Variants in SLC25A29 observed in about 807,000 individuals in gnomAD.
SLC25A29 encodes mitochondrial basic amino acids transporter.
A neutral mutation model predicts 10.0 loss-of-function variants in SLC25A29; 13 were observed. The ratio of observed to expected loss-of-function variants is 1.30; its 90% CI spans 0.85 to 2.07. SLC25A29 has a LOEUF of 2.07. Among genes scored for constraint, SLC25A29 ranks in the 30% most tolerant of loss-of-function variants. The pLI is 0.00. For missense variants in SLC25A29, 475 were observed against 447.6 expected, an observed-to-expected ratio of 1.06 and a Z score of -0.55; for synonymous variants, 244 against 221.1, an observed-to-expected ratio of 1.10 and a Z score of -0.92.
rs1201704174 is a variant in SLC25A29 at position 100,292,781 on chromosome 14, G to A, written c.414C>T (p.Leu138=). ...GACCCTCGTGCCCGTAGATCTGCGCGAGGCAGTCCAGCGAGCCCTTGTAGG... is the reference window on the plus strand; with the variant it reads ...GACCCTCGTGCCCGTAGATCTGCGCAAGGCAGTCCAGCGAGCCCTTGTAGG... ...ARTYKGSLDC[L]AQIYGHEGLR... is the part of the protein sequence containing the mutation. The change falls in exon 4 of 4, where the codon CTC becomes CTT. Residue 138 remains leucine, a synonymous_variant. Coordinates refer to ENST00000359232, the MANE Select transcript of SLC25A29 (RefSeq NM_001039355.3). 8.1e-6 allele frequency: 13 copies of A among 1,598,420 alleles called. No individual in the cohort carries two copies. In the Admixed American group the frequency reaches 1.5e-4, roughly 19 times the overall value.
At chr14:100,305,731 C>T (rs1287306127) in intron 1 of SLC25A29, 1 of 155,178 alleles carries the variant, frequency 6.4e-6, no homozygotes, top group African/African-American at 2.4e-5. Flanking sequence ...CCTCCAAGGC[C>T]AGCCGAGTAG....
At chr14:100,280,218 G>C in the SLC25A29 span, 1 of 152,178 alleles carries the variant, frequency 6.6e-6, no homozygotes, top group Non-Finnish European at 1.5e-5. Flanking sequence ...TTATAATTTT[G>C]CTAACGATGT....
In SLC25A29 at chr14:100,298,930, A is replaced by G. The variant is rs760817186; in HGVS notation, c.35-45T>C. ...CTTGTGACCCACATACCTCAGAAAC[A>G]CAGTGCAGGGTGCTGGGCAGGAGGG... On this transcript the variant is annotated intron_variant, in intron 1 of 3. Transcript: ENST00000359232. The G allele has an allele frequency of 1.9e-6, 3 of 1,612,360 alleles. No homozygotes were observed. In the African/African-American group the frequency reaches 4.0e-5, roughly 22 times the overall value.
intron 1 of SLC25A29, chr14:100,304,962 C>T (rs1360966060): frequency 2.0e-5 from 3 of 152,304 alleles, no homozygotes; most frequent in African/African-American, 7.2e-5. Context: ...GGGTGGGGAG[C>T]AAGGGTGGAG....
In SLC25A29 at chr14:100,293,404, C is replaced by A. The variant is rs556128713; in HGVS notation, c.79-27G>T. On this transcript the variant is annotated intron_variant, in intron 2 of 3. Coordinates refer to ENST00000359232, the MANE Select transcript of SLC25A29 (RefSeq NM_001039355.3). ...TGGAAGGAGAGGGTCCAGTGAGAGGCAGGCAGGCAGGACCAGAGCACCCAG... is the reference window on the plus strand; with the variant it reads ...TGGAAGGAGAGGGTCCAGTGAGAGGAAGGCAGGCAGGACCAGAGCACCCAG... 25 of 1,603,274 alleles carry A rather than the reference C, an allele frequency of 1.6e-5. No individual in the cohort carries two copies. The South Asian group carries it at 2.2e-4, about 14-fold the overall frequency.
At chr14:100,285,330 C>T in the SLC25A29 span, among the ~76,000 whole-genome samples, 1 of 39,020 alleles carries the variant, frequency 2.6e-5, no homozygotes, top group South Asian at 6.5e-4. Context: ...CAGGGCCTGT[C>T]CCCCACGCTG....
rs548520512 is a variant in SLC25A29 at position 100,303,686 on chromosome 14, CA to C, written c.34+2512del. ...CGCACGAGGAGGCCTCCAGTCACAC[CA>C]GCAGAAGCGGAACCCTGTCTCCCAA... On this transcript the variant is annotated intron_variant, in intron 1 of 3. Coordinates refer to ENST00000359232, the MANE Select transcript of SLC25A29 (RefSeq NM_001039355.3). Among the ~76,000 whole-genome samples, 24 of 152,266 alleles carry C rather than the reference CA, an allele frequency of 1.6e-4. 2 individuals are homozygous for C. In the South Asian group the frequency reaches 5.0e-3, roughly 32 times the overall value.
In SLC25A29 at chr14:100,293,492, C is replaced by T. The variant is rs747864886; in HGVS notation, c.79-115G>A. On this transcript the variant is annotated intron_variant, in intron 2 of 3. Coordinates refer to ENST00000359232, the MANE Select transcript of SLC25A29 (RefSeq NM_001039355.3). ...CCCAAGGAGGCCGGGCACTCAGGCA[C>T]AGTCTAAGACTTTTGTAATTCCAGG... 181 of 804,522 alleles carry T rather than the reference C, an allele frequency of 2.2e-4. 1 individual carries two copies. Among genetic ancestry groups the T allele is most frequent in the Non-Finnish European group, 3.3e-4 (165 of 498,818 alleles). The allele number at this position is 804,522 out of a possible 1,614,324, so 49.8% of individuals were successfully genotyped here.
At chr14:100,285,341 C>T in the SLC25A29 span, among the ~76,000 whole-genome samples, 2 of 151,986 alleles carry the variant, frequency 1.3e-5, no homozygotes, top group Non-Finnish European at 2.9e-5. Context: ...CCCCACGCTG[C>T]TCTGGCGGGC....
intron 1 of SLC25A29, among the ~76,000 whole-genome samples, chr14:100,304,089 C>T (rs1892749422): frequency 6.6e-6 from 1 of 152,182 alleles, no homozygotes; most frequent in African/African-American, 2.4e-5. Flanking sequence ...ACGTGACCCA[C>T]ACTAGGCGAA....
intron 1 of SLC25A29, among the ~76,000 whole-genome samples, chr14:100,300,470 C>T (rs1892467744): frequency 2.0e-5 from 3 of 152,188 alleles, no homozygotes; most frequent in Admixed American, 2.0e-4. Flanking sequence ...GCAACCTCCA[C>T]CTCCTGGGCT....
At chr14:100,286,641 ACACT>A (rs1195261276), downstream of SLC25A29, among the ~76,000 whole-genome samples, 1 of 152,182 alleles carries the variant, frequency 6.6e-6, no homozygotes. Context: ...ATCAAGGTGG[ACACT>A]GGCCCCACCG....
In SLC25A29 at chr14:100,292,500, AGG is replaced by A; in HGVS notation, c.693_694del (p.Leu232GlyfsTer90). 6.3e-7 allele frequency: 1 copy of A among 1,588,574 alleles called. No homozygotes were observed. The highest frequency in any genetic ancestry group is 8.6e-7 in the Non-Finnish European group (1 of 1,169,334). On this transcript the variant is annotated frameshift_variant, in exon 4 of 4. Transcript: ENST00000359232. LOFTEE classifies it low-confidence loss of function (END_TRUNC). ...GCGGTAGCTCTGGTGCACGCAGTCC[AGG>A]ATGCCGCGGTAGCGCGGGGCGCCCC...
intron 1 of SLC25A29, among the ~76,000 whole-genome samples, chr14:100,301,140 C>T (rs1892516344): frequency 1.3e-5 from 2 of 151,276 alleles, no homozygotes; most frequent in Admixed American, 1.3e-4. Context: ...ACCTTGTGGC[C>T]CGCCCACTTT....
intron 1 of SLC25A29, among the ~76,000 whole-genome samples, chr14:100,301,437 T>C (rs1302185622): frequency 6.6e-6 from 1 of 152,156 alleles, no homozygotes; most frequent in Admixed American, 6.5e-5. Context: ...AGTGCTGGGA[T>C]TACAGGCGTG....
chr14:100,295,787 C>T (rs1215263149), intron 2 of SLC25A29: 2 of 1,289,616 alleles, frequency 1.6e-6, no homozygotes, highest in Non-Finnish European at 2.0e-6. Flanking sequence ...CCCACCCACA[C>T]TCCCCATCCC....
At position 100,292,724 on chromosome 14, in the gene SLC25A29, C is replaced by T. The variant is rs1192308458; in HGVS notation, c.471G>A (p.Thr157=). The change falls in exon 4 of 4, where the codon ACG becomes ACA. Residue 157 remains threonine, a synonymous_variant. Coordinates refer to ENST00000359232, the MANE Select transcript of SLC25A29 (RefSeq NM_001039355.3). ...CGAAGCTGGGCGTCTCACGCAGCAA[C>T]GTGGACACCATGCCCCGGTTGACGC... ...LRGVNRGMVS[T]LLRETPSFGV... 6.2e-6 allele frequency: 10 copies of T among 1,602,676 alleles called. No homozygotes were observed. The East Asian group carries it at 1.1e-4, about 18-fold the overall frequency.
At chr14:100,285,787 A>C in the SLC25A29 span, among the ~76,000 whole-genome samples, 1 of 152,048 alleles carries the variant, frequency 6.6e-6, no homozygotes, top group African/African-American at 2.4e-5. Context: ...AGGGGGCCCC[A>C]GCTAAGCAAG....
At chr14:100,304,538 G>T (rs560934853) in intron 1 of SLC25A29, among the ~76,000 whole-genome samples, 1 of 152,176 alleles carries the variant, frequency 6.6e-6, no homozygotes, top group Non-Finnish European at 1.5e-5. Flanking sequence ...GCCATTATGT[G>T]CCTGGGGGTT....
Sources: gnomAD v4.1 joint callset for allele counts (sites outside exome capture counted in the v4.1 genomes callset) on GRCh38, gnomAD v4.1.1 for gene constraint, MANE v1.5 for transcripts, NCBI Gene and HGNC (gene_info 2026-07-23, HGNC 2026-07-21) for gene names.